The following CFTR variants were observed in gnomAD, a reference collection of about 807,000 sequenced individuals.
The protein encoded by CFTR is CF transmembrane conductance regulator.
In CFTR, 181 loss-of-function variants were observed where a neutral mutation model predicts 171.6. That is an observed-to-expected ratio of 1.05 (90% CI 0.93 to 1.19). The LOEUF is 1.19. CFTR is among the 50% of genes most tolerant of loss of function. The pLI, the probability that CFTR is intolerant of heterozygous loss-of-function variation, is 0.00. For missense variants in CFTR, 1,968 were observed against 1,734.7 expected (o/e 1.13, Z -2.39); for synonymous variants, 583 against 608.0 (o/e 0.96, Z 0.60).
At chr7:117,641,828 T>C (rs1272841709) in intron 22 of CFTR, among the ~76,000 whole-genome samples, 1 of 152,240 alleles carries the variant, frequency 6.6e-6, no homozygotes, top group Non-Finnish European at 1.5e-5. Context: ...TTCTCGCCAA[T>C]CCAGGTGAAT....
intron 1 of CFTR, among the ~76,000 whole-genome samples, chr7:117,488,082 G>C (rs1024066909): frequency 2.6e-5 from 4 of 152,012 alleles, no homozygotes; most frequent in African/African-American, 9.7e-5. Flanking sequence ...TTCGACCAAA[G>C]ACCATTGCTA....
chr7:117,519,661 A>G (rs756655362), intron 3 of CFTR, among the ~76,000 whole-genome samples: 12 of 152,020 alleles, frequency 7.9e-5, no homozygotes, highest in Non-Finnish European at 1.3e-4. Context: ...TACTTAATAA[A>G]GGGGAGAAGT....
At chr7:117,607,129 A>G (rs961099569) in intron 18 of CFTR, among the ~76,000 whole-genome samples, 5 of 152,146 alleles carry the variant, frequency 3.3e-5, no homozygotes, top group Non-Finnish European at 7.4e-5. Flanking sequence ...TAGAATGAAG[A>G]TGGATTCCCT....
rs148081043 is a variant in CFTR at position 117,639,451 on chromosome 7, T to G, written c.3718-2987T>G. On this transcript the variant is annotated intron_variant, in intron 22 of 26. Transcript: ENST00000003084. ...TCAAAATGCCTACTGGGAACTTAAT[T>G]TGGAGTCAGATTCTTCATGATAAAT... is the stretch of plus-strand genomic sequence containing the variant. 7.2e-3 allele frequency among the ~76,000 whole-genome samples: 1,098 copies of G among 152,246 alleles called. 44 individuals carry two copies. The highest frequency in any genetic ancestry group is 0.067 in the Admixed American group (1,021 of 15,290).
rs1791965973 is a variant in CFTR, at chr7:117,587,787, G to A, written c.1633G>A (p.Gly545Arg). The change falls in exon 12 of 27, where the codon GGA becomes AGA. Residue 545 changes from glycine (G) to arginine (R), a missense_variant. Gly to Arg is a moderately radical substitution (Grantham distance 125, BLOSUM62 -2). Coordinates refer to ENST00000003084, the MANE Select transcript of CFTR (RefSeq NM_000492.4). The stretch of plus-strand genomic sequence containing the variant: ...AGACAATATAGTTCTTGGAGAAGGT[G>A]GAATCACACTGAGTGGAGGTCAACG... Reference protein sequence around the residue: ...EKDNIVLGEGGITLSGGQRAR... With the variant: ...EKDNIVLGEGRITLSGGQRAR... 1.9e-6 allele frequency: 3 copies of A among 1,612,154 alleles called. No individual in the cohort carries two copies. The highest frequency in any genetic ancestry group is 2.5e-6 in the Non-Finnish European group (3 of 1,178,456).
rs950336425 is a variant in CFTR, at chr7:117,610,672, A to G, written c.3139+3A>G. The G allele has an allele frequency of 3.1e-6, 5 of 1,613,202 alleles. No individual in the cohort carries two copies. Among genetic ancestry groups the G allele is most frequent in the Admixed American group, 1.7e-5 (1 of 59,932 alleles). On this transcript the variant is annotated splice_donor_region_variant and intron_variant, in intron 19 of 26. Coordinates refer to ENST00000003084, the MANE Select transcript of CFTR (RefSeq NM_000492.4). ...ACTCAAACAACTGGAATCTGAAGGT[A>G]TGACAGTGAATGTGCGATACTCATC...
chr7:117,489,589 G>A (rs570213946), intron 1 of CFTR, among the ~76,000 whole-genome samples: 1 of 152,026 alleles, frequency 6.6e-6, no homozygotes, highest in Admixed American at 6.6e-5. Context: ...AAGATATGAT[G>A]GGCTGTTAAC....
rs751210436 is a variant in CFTR, at chr7:117,610,688, G to A, written c.3139+19G>A. 8 of 1,612,150 alleles carry A rather than the reference G, an allele frequency of 5.0e-6. No homozygotes were observed. Among genetic ancestry groups the A allele is most frequent in the East Asian group, 2.2e-5 (1 of 44,786 alleles). On this transcript the variant is annotated intron_variant, in intron 19 of 26. Coordinates refer to ENST00000003084, the MANE Select transcript of CFTR (RefSeq NM_000492.4). ...TCTGAAGGTATGACAGTGAATGTGC[G>A]ATACTCATCTTGTAAAAAAGCTATA... is the stretch of plus-strand genomic sequence containing the variant.
Position 117,591,752 on chromosome 7 carries a change from C to G in CFTR, c.1767-182C>G, listed in dbSNP as rs1351634357. 8.6e-5 allele frequency among the ~76,000 whole-genome samples: 13 copies of G among 152,024 alleles called. 1 individual carries two copies. The highest frequency in any genetic ancestry group is 7.9e-4 in the Admixed American group (12 of 15,270). ...TTTCAATATAGCATGTTATTTCATGCTATCAGAATTCACAAGGTACCAATT... is the reference window on the plus strand; with the variant it reads ...TTTCAATATAGCATGTTATTTCATGGTATCAGAATTCACAAGGTACCAATT... On this transcript the variant is annotated intron_variant, in intron 13 of 26. Transcript: ENST00000003084.
At chr7:117,575,742 C>T (rs1157239561) in intron 11 of CFTR, among the ~76,000 whole-genome samples, 1 of 152,090 alleles carries the variant, frequency 6.6e-6, no homozygotes, top group Non-Finnish European at 1.5e-5. Context: ...ATTGAGGTCT[C>T]ATAGCCTTCT....
At chr7:117,490,772 C>A (rs1219966848) in intron 1 of CFTR, among the ~76,000 whole-genome samples, 2 of 151,944 alleles carry the variant, frequency 1.3e-5, no homozygotes, top group Non-Finnish European at 2.9e-5. Flanking sequence ...TAATTAGCAC[C>A]TTTTCATCTT....
chr7:117,511,662 G>A (rs1411787208), intron 3 of CFTR, among the ~76,000 whole-genome samples: 1 of 152,222 alleles, frequency 6.6e-6, no homozygotes, highest in Admixed American at 6.5e-5. Context: ...GCACAAGTGT[G>A]ATGAGGCTGC....
intron 26 of CFTR, among the ~76,000 whole-genome samples, chr7:117,666,340 C>T (rs1793376709): frequency 1.3e-5 from 2 of 152,116 alleles, no homozygotes; most frequent in African/African-American, 4.8e-5. Flanking sequence ...AAATGGTTTC[C>T]TTACTGAAGG....
rs767204327 is a variant in CFTR at position 117,530,906 on chromosome 7, C to T, written c.281C>T (p.Thr94Ile). 9.3e-6 allele frequency: 15 copies of T among 1,609,840 alleles called. No homozygotes were observed. Among genetic ancestry groups the T allele is most frequent in the Non-Finnish European group, 1.2e-5 (14 of 1,176,802 alleles). Reference protein sequence around the residue: ...YGIFLYLGEVTKAVQPLLLGR... With the variant: ...YGIFLYLGEVIKAVQPLLLGR... Reference sequence around the variant, plus strand: ...GTTTTTCCCCTTTTGTAGGAAGTCACCAAAGCAGTACAGCCTCTCTTACTG... The same window carrying T: ...GTTTTTCCCCTTTTGTAGGAAGTCATCAAAGCAGTACAGCCTCTCTTACTG... The change falls in exon 4 of 27, where the codon ACC (threonine) becomes ATC (isoleucine). Residue 94 changes from threonine (T) to isoleucine (I), a missense_variant. Physicochemically the swap from Thr to Ile is moderately conservative, Grantham distance 89. Coordinates refer to ENST00000003084, the MANE Select transcript of CFTR (RefSeq NM_000492.4).
chr7:117,560,945 G>A (rs533537453), intron 11 of CFTR, among the ~76,000 whole-genome samples: 7 of 152,138 alleles, frequency 4.6e-5, no homozygotes, highest in Admixed American at 1.3e-4. Flanking sequence ...GAAAAGTTGC[G>A]GAAGGTGCCT....
At chr7:117,626,812 AT>A (rs2116127032) in intron 21 of CFTR, among the ~76,000 whole-genome samples, 1 of 152,148 alleles carries the variant, frequency 6.6e-6, no homozygotes, top group South Asian at 2.1e-4. Context: ...ACCTTTAAAA[AT>A]TATCAAGTCC....
At chr7:117,623,348 C>T (rs1792608997) in intron 21 of CFTR, among the ~76,000 whole-genome samples, 1 of 152,212 alleles carries the variant, frequency 6.6e-6, no homozygotes, top group African/African-American at 2.4e-5. Flanking sequence ...ATCCCTCGAT[C>T]CTCCTTGGAC....
In CFTR at chr7:117,592,160, A is replaced by T. The variant is rs1177201180; in HGVS notation, c.1993A>T (p.Thr665Ser). 2 of 1,613,996 alleles carry T rather than the reference A, an allele frequency of 1.2e-6. No homozygotes were observed. Among genetic ancestry groups the T allele is most frequent in the Middle Eastern group, 3.3e-4 (2 of 6,062 alleles). The change falls in exon 14 of 27, where the codon ACC becomes TCC. Residue 665 changes from threonine to serine, a missense_variant. Transcript: ENST00000003084. ...AAGAAGAAATTCAATCCTAACTGAG[A>T]CCTTACACCGTTTCTCATTAGAAGG... ...AERRNSILTETLHRFSLEGDA... is the reference protein window; with the variant it reads ...AERRNSILTESLHRFSLEGDA...
chr7:117,488,123 A>G (rs913991591), intron 1 of CFTR, among the ~76,000 whole-genome samples: 5 of 152,172 alleles, frequency 3.3e-5, no homozygotes, highest in Admixed American at 3.3e-4. Context: ...TAGATAGTAA[A>G]TATTTTCAGC....
Sources: gnomAD v4.1 joint callset for allele counts (sites outside exome capture counted in the v4.1 genomes callset) on GRCh38, gnomAD v4.1.1 for gene constraint, MANE v1.5 for transcripts, NCBI Gene and HGNC (gene_info 2026-07-23, HGNC 2026-07-21) for gene names.